CNTLN: variants seen among roughly 807,000 people sequenced by gnomAD.
CNTLN encodes the protein centlein.
Under a neutral mutation model 180.0 loss-of-function variants are expected in CNTLN, and 212 were observed. The ratio of observed to expected loss-of-function variants is 1.18; its 90% CI spans 1.05 to 1.32. The LOEUF (loss-of-function observed/expected upper bound fraction) is 1.32. CNTLN is among the 40% of genes most tolerant of loss of function. The pLI, the probability that CNTLN is intolerant of heterozygous loss-of-function variation, is 0.00. For synonymous variants in CNTLN, 722 were observed against 563.1 expected (o/e 1.28, Z -3.99); for missense variants, 2,095 against 1,610.9 (o/e 1.30, Z -5.14).
At chr9:17,183,241 T>G (rs1023576394) in intron 2 of CNTLN, among the ~76,000 whole-genome samples, 12 of 152,160 alleles carry the variant, frequency 7.9e-5, no homozygotes, top group Non-Finnish European at 1.5e-5. Context: ...GTTTTAAAAT[T>G]CATCCATAAA....
Position 17,426,593 on chromosome 9 carries a change from A to C in CNTLN, c.3114+10404A>C, listed in dbSNP as rs1308705835. ...ATGTAATAATTTTATTTGAGTTATT[A>C]GAATCTTTTTTATGAACTCTTGTTC... is the stretch of plus-strand genomic sequence containing the variant. On this transcript the variant is annotated intron_variant, in intron 18 of 25. Transcript: ENST00000380647. Among the ~76,000 whole-genome samples, 3 of 151,854 alleles carry C rather than the reference A, an allele frequency of 2.0e-5. No individual in the cohort carries two copies. In the East Asian group the frequency reaches 5.8e-4, roughly 29 times the overall value.
At chr9:17,296,175 G>C (rs1362938428) in intron 6 of CNTLN, among the ~76,000 whole-genome samples, 1 of 151,816 alleles carries the variant, frequency 6.6e-6, no homozygotes, top group Non-Finnish European at 1.5e-5. Flanking sequence ...GCCAATTTTT[G>C]TAATTTTTGT....
chr9:17,466,198 C>G lies in CNTLN; in HGVS notation c.3669+80C>G. 2.3e-6 allele frequency: 3 copies of G among 1,328,802 alleles called. No individual in the cohort carries two copies. In the East Asian group the frequency reaches 7.2e-5, roughly 32 times the overall value. The allele number at this position is 1,328,802 out of a possible 1,614,324, so 82.3% of individuals were successfully genotyped here. ...TTCATTTTTAACATTGTTGCTTTTT[C>G]CTTCCCAAAACCACAAGCTACTTAA... On this transcript the variant is annotated intron_variant, in intron 22 of 25. Coordinates refer to ENST00000380647, the MANE Select transcript of CNTLN (RefSeq NM_017738.4).
chr9:17,326,062 A>G (rs1279675992), intron 8 of CNTLN, among the ~76,000 whole-genome samples: 1 of 152,076 alleles, frequency 6.6e-6, no homozygotes, highest in Non-Finnish European at 1.5e-5. Flanking sequence ...CATGCCTTCT[A>G]TTCTATTTAA....
chr9:17,227,405 A>C (rs1302646573), intron 3 of CNTLN, among the ~76,000 whole-genome samples: 2 of 152,058 alleles, frequency 1.3e-5, no homozygotes, highest in African/African-American at 4.8e-5. Context: ...GCTTCCTGGA[A>C]CAATTTTCAA....
chr9:17,410,455 G>A (rs1827760569), intron 16 of CNTLN, among the ~76,000 whole-genome samples: 1 of 152,088 alleles, frequency 6.6e-6, no homozygotes, highest in Admixed American at 6.5e-5. Flanking sequence ...TGTGGGTTAT[G>A]TATTGTAGAT....
At chr9:17,526,707 C>T in the CNTLN span, among the ~76,000 whole-genome samples, 1 of 151,784 alleles carries the variant, frequency 6.6e-6, no homozygotes, top group Non-Finnish European at 1.5e-5. Flanking sequence ...CGTATATTCT[C>T]TAAGAGCTTT....
At chr9:17,392,219 C>A (rs1209116331) in intron 14 of CNTLN, among the ~76,000 whole-genome samples, 1 of 151,994 alleles carries the variant, frequency 6.6e-6, no homozygotes, top group African/African-American at 2.4e-5. Flanking sequence ...AAACCATGAT[C>A]GAGCCATGGC....
chr9:17,296,761 A>C (rs908392228), intron 6 of CNTLN, among the ~76,000 whole-genome samples: 17 of 151,784 alleles, frequency 1.1e-4, no homozygotes, highest in African/African-American at 4.1e-4. Context: ...TGCATGTTTC[A>C]GTTTTTTGAA....
intron 2 of CNTLN, among the ~76,000 whole-genome samples, chr9:17,190,009 C>T (rs987916830): frequency 6.6e-6 from 1 of 151,728 alleles, no homozygotes; most frequent in African/African-American, 2.4e-5. Flanking sequence ...CTCTCTCTCT[C>T]AATGCAGCTC....
intron 12 of CNTLN, among the ~76,000 whole-genome samples, chr9:17,359,725 C>CAAAAAAAAAAAAAATAAACCAA (rs1823162094): frequency 4.7e-5 from 1 of 21,336 alleles, no homozygotes; most frequent in Admixed American, 9.7e-4. Context: ...ACTAAAAATA[C>CAAAAAAAAAAAAAATAAACCAA]AAAAAAAAAA....
intron 2 of CNTLN, among the ~76,000 whole-genome samples, chr9:17,178,191 G>A (rs1251178881): frequency 6.6e-6 from 1 of 151,922 alleles, no homozygotes. Context: ...AGTGTCGATT[G>A]GTGCATTCAC....
intron 5 of CNTLN, among the ~76,000 whole-genome samples, chr9:17,271,454 A>T (rs1486973036): frequency 6.7e-6 from 1 of 150,182 alleles, no homozygotes. Flanking sequence ...TCTGTTACTT[A>T]TTCTGGATTC....
chr9:17,213,689 C>T (rs1040296876), intron 2 of CNTLN, among the ~76,000 whole-genome samples: 1 of 152,124 alleles, frequency 6.6e-6, no homozygotes, highest in Non-Finnish European at 1.5e-5. Flanking sequence ...GTGTGGGAGT[C>T]TAAGTCTCTT....
chr9:17,435,112 T>C (rs887503342), intron 18 of CNTLN, among the ~76,000 whole-genome samples: 3 of 152,216 alleles, frequency 2.0e-5, no homozygotes, highest in African/African-American at 4.8e-5. Flanking sequence ...TGTACGAGAC[T>C]AGAAAAACTG....
At chr9:17,325,595 C>T (rs1296622330) in intron 8 of CNTLN, among the ~76,000 whole-genome samples, 3 of 150,950 alleles carry the variant, frequency 2.0e-5, no homozygotes, top group Non-Finnish European at 4.4e-5. Flanking sequence ...ACACTTGACC[C>T]GTACTTGATT....
intron 14 of CNTLN, among the ~76,000 whole-genome samples, chr9:17,390,344 T>G (rs989054872): frequency 6.8e-6 from 1 of 147,204 alleles, no homozygotes; most frequent in African/African-American, 2.5e-5. Flanking sequence ...GTTCAAGCGA[T>G]TCTCGTGCCT....
At chr9:17,261,766 C>A (rs147641565) in intron 5 of CNTLN, among the ~76,000 whole-genome samples, 2 of 151,326 alleles carry the variant, frequency 1.3e-5, no homozygotes, top group Admixed American at 1.3e-4. Flanking sequence ...TTCTGCACAG[C>A]AGAAGAAACT....
the CNTLN span, among the ~76,000 whole-genome samples, chr9:17,513,115 G>A: frequency 1.3e-5 from 2 of 152,022 alleles, no homozygotes; most frequent in South Asian, 2.1e-4. Context: ...GCCCGGCCTA[G>A]TCTATCATTT....
Sources: allele counts gnomAD v4.1 joint callset (sites outside exome capture counted in the v4.1 genomes callset), GRCh38; gene constraint gnomAD v4.1.1; transcripts MANE v1.5; gene names NCBI Gene and HGNC (gene_info 2026-07-23, HGNC 2026-07-21).